PIP5K1B: variants seen among roughly 807,000 people sequenced by gnomAD.
The protein encoded by PIP5K1B is phosphatidylinositol 4-phosphate 5-kinase type-1 beta.
A neutral mutation model predicts 67.0 loss-of-function variants in PIP5K1B; 42 were observed. That is an observed-to-expected ratio of 0.63 (90% confidence interval 0.49 to 0.81). PIP5K1B has a LOEUF of 0.81. Among genes scored for constraint, PIP5K1B ranks in the 30% least tolerant of loss-of-function variants. The probability of loss-of-function intolerance (pLI) is 0.00; values close to 1 mark genes in which losing one functional copy is unlikely to be tolerated. For synonymous variants in PIP5K1B, 214 were observed against 231.4 expected (o/e 0.92, Z 0.68); for missense variants, 459 against 646.3 (o/e 0.71, Z 3.14).
chr9:68,970,846 A>G (rs1021253158), intron 14 of PIP5K1B, among the ~76,000 whole-genome samples: 1 of 152,214 alleles, frequency 6.6e-6, no homozygotes, highest in Non-Finnish European at 1.5e-5. Context: ...GGAAGCAGCA[A>G]CTTCAAAATA....
rs142645474 is a variant in PIP5K1B at position 68,894,322 on chromosome 9, C to CT, written c.472-10dup. 0.051 allele frequency: 78,145 copies of CT among 1,521,202 alleles called. 2,891 individuals carry two copies. Among genetic ancestry groups the CT allele is most frequent in the East Asian group, 0.2 (8,988 of 44,088 alleles). 94.2% of individuals were successfully genotyped at this position (1,521,202 alleles called of 1,614,324 possible). A position where few individuals can be genotyped will look rare whatever the true frequency, so the allele number is the denominator to read the frequency against. ...AATAGAAGATTGTAAATATATTTTT[C>CT]TTTTTTTGGTTTCTAGAATTTAAAC... is the stretch of plus-strand genomic sequence containing the variant. On this transcript the variant is annotated splice_polypyrimidine_tract_variant and intron_variant, in intron 7 of 15. Coordinates refer to ENST00000265382, the MANE Select transcript of PIP5K1B (RefSeq NM_003558.4).
chr9:68,781,163 A>T, intron 2 of PIP5K1B: 2 of 1,200,606 alleles, frequency 1.7e-6, no homozygotes, highest in South Asian at 1.5e-5. Context: ...CCCTGAAATG[A>T]TGTTATTCTA....
chr9:68,903,571 G>A (rs969503589), intron 8 of PIP5K1B, among the ~76,000 whole-genome samples: 4 of 152,160 alleles, frequency 2.6e-5, no homozygotes, highest in Admixed American at 6.5e-5. Context: ...GGAGGGGGCT[G>A]GTGTTTGTCT....
At chr9:68,985,044 A>T (rs576336592) in intron 14 of PIP5K1B, among the ~76,000 whole-genome samples, 1 of 152,186 alleles carries the variant, frequency 6.6e-6, no homozygotes, top group Non-Finnish European at 1.5e-5. Flanking sequence ...GTATGAGTGT[A>T]ACAGGCTGGG....
At chr9:68,823,817 A>G (rs1028033190) in intron 4 of PIP5K1B, among the ~76,000 whole-genome samples, 9 of 152,202 alleles carry the variant, frequency 5.9e-5, no homozygotes, top group African/African-American at 9.7e-5. Context: ...TACATGAGCT[A>G]TGGGCTCTGA....
At chr9:68,864,632 G>A (rs987275570) in intron 5 of PIP5K1B, among the ~76,000 whole-genome samples, 2 of 152,108 alleles carry the variant, frequency 1.3e-5, no homozygotes, top group African/African-American at 4.8e-5. Context: ...GGCTAACATA[G>A]TAAATTTTAT....
intron 2 of PIP5K1B, among the ~76,000 whole-genome samples, chr9:68,762,022 A>C (rs1469518590): frequency 1.3e-5 from 2 of 152,064 alleles, no homozygotes; most frequent in Non-Finnish European, 2.9e-5. Context: ...ACTCTGAATT[A>C]GTTAATGGAT....
intron 14 of PIP5K1B, among the ~76,000 whole-genome samples, chr9:68,974,429 G>A (rs187815155): frequency 2.6e-5 from 4 of 152,262 alleles, no homozygotes; most frequent in South Asian, 2.1e-4. Context: ...ATTCTAACAC[G>A]CCTAGCCTTG....
At chr9:68,962,298 C>T (rs1057235815) in intron 14 of PIP5K1B, among the ~76,000 whole-genome samples, 1 of 152,144 alleles carries the variant, frequency 6.6e-6, no homozygotes, top group African/African-American at 2.4e-5. Flanking sequence ...TATCCCCTAA[C>T]TAAAGGCAGA....
At chr9:68,713,287 T>C (rs575769541) in intron 1 of PIP5K1B, among the ~76,000 whole-genome samples, 3 of 152,230 alleles carry the variant, frequency 2.0e-5, no homozygotes, top group South Asian at 4.2e-4. Flanking sequence ...TAATCCCAGC[T>C]ACTTGGGAGG....
At chr9:68,971,535 G>T (rs1829369933) in intron 14 of PIP5K1B, among the ~76,000 whole-genome samples, 1 of 152,112 alleles carries the variant, frequency 6.6e-6, no homozygotes, top group South Asian at 2.1e-4. Flanking sequence ...GGGTCAAATG[G>T]TATTTCTAGT....
At position 68,846,036 on chromosome 9, in the gene PIP5K1B, C is replaced by T. The variant is rs1048215318; in HGVS notation, c.70-17801C>T. Among the ~76,000 whole-genome samples, 5 of 152,194 alleles carry T rather than the reference C, an allele frequency of 3.3e-5. No individual in the cohort carries two copies. The East Asian group carries it at 7.7e-4, about 23-fold the overall frequency. On this transcript the variant is annotated intron_variant, in intron 4 of 15. Transcript: ENST00000265382. The stretch of plus-strand genomic sequence containing the variant: ...TTTCCTCATCTGTGGGGGTAATATA[C>T]GGGTTATGGTGAGAAATAAATGTTG...
intron 1 of PIP5K1B, among the ~76,000 whole-genome samples, chr9:68,717,712 T>A (rs1250037048): frequency 6.6e-6 from 1 of 152,198 alleles, no homozygotes; most frequent in Non-Finnish European, 1.5e-5. Context: ...GATTTTGATA[T>A]GAATTTTGAG....
chr9:68,839,954 G>C (rs1821832595), intron 4 of PIP5K1B, among the ~76,000 whole-genome samples: 1 of 152,168 alleles, frequency 6.6e-6, no homozygotes, highest in Non-Finnish European at 1.5e-5. Context: ...ACCACTTTCT[G>C]GGACCACACA....
intron 4 of PIP5K1B, among the ~76,000 whole-genome samples, chr9:68,842,552 A>G (rs897163923): frequency 3.2e-4 from 48 of 152,176 alleles, no homozygotes; most frequent in African/African-American, 1.1e-3. Context: ...ACTTCCACCT[A>G]TAGATAGAAG....
intron 4 of PIP5K1B, among the ~76,000 whole-genome samples, chr9:68,850,856 G>A (rs923044282): frequency 1.3e-5 from 2 of 152,106 alleles, no homozygotes; most frequent in Non-Finnish European, 2.9e-5. Flanking sequence ...TGTAAGAATA[G>A]TATTAAGGAT....
chr9:68,946,864 T>G (rs1013455136), intron 14 of PIP5K1B, among the ~76,000 whole-genome samples: 1 of 152,232 alleles, frequency 6.6e-6, no homozygotes, highest in African/African-American at 2.4e-5. Flanking sequence ...GGCAAGTTAC[T>G]TGCTCGTCAT....
chr9:68,961,408 T>G (rs1439500669), intron 14 of PIP5K1B, among the ~76,000 whole-genome samples: 1 of 152,196 alleles, frequency 6.6e-6, no homozygotes, highest in Non-Finnish European at 1.5e-5. Flanking sequence ...CAAAAGCCAT[T>G]GAATAATATA....
chr9:68,959,101 T>C (rs1409070834), intron 14 of PIP5K1B, among the ~76,000 whole-genome samples: 1 of 152,194 alleles, frequency 6.6e-6, no homozygotes, highest in Admixed American at 6.5e-5. Flanking sequence ...TTCCAGTCTA[T>C]AATGAGGAAT....
Sources: gnomAD v4.1 joint callset for allele counts (sites outside exome capture counted in the v4.1 genomes callset) on GRCh38, gnomAD v4.1.1 for gene constraint, MANE v1.5 for transcripts, NCBI Gene and HGNC (gene_info 2026-07-23, HGNC 2026-07-21) for gene names.